The following EIF3B variants were observed in gnomAD, a reference collection of about 807,000 sequenced individuals.
The protein encoded by EIF3B is eukaryotic translation initiation factor 3 subunit 9.
A neutral mutation model predicts 104.6 loss-of-function variants in EIF3B; 10 were observed. That is an observed-to-expected ratio of 0.10 (90% CI 0.06 to 0.16). EIF3B has a LOEUF of 0.16. Ranked by LOEUF, EIF3B falls within the 10% of genes least tolerant of loss-of-function variation. The probability of loss-of-function intolerance (pLI) is 1.00; values close to 1 mark genes in which losing one functional copy is unlikely to be tolerated. For synonymous variants in EIF3B, 542 were observed against 417.2 expected (o/e 1.30, Z -3.65); for missense variants, 1,014 against 1,087.9 (o/e 0.93, Z 0.96).
At chr7:2,363,415 G>T (rs1029911665) in intron 4 of EIF3B, among the ~76,000 whole-genome samples, 1 of 151,602 alleles carries the variant, frequency 6.6e-6, no homozygotes, top group Non-Finnish European at 1.5e-5. Flanking sequence ...TGAGGCTGCC[G>T]TGAGCTATGA....
At chr7:2,359,442 C>G (rs1480669103) in intron 1 of EIF3B, among the ~76,000 whole-genome samples, 1 of 152,152 alleles carries the variant, frequency 6.6e-6, no homozygotes. Flanking sequence ...CCCAAAAGGA[C>G]CAGGTTCAGG....
rs988632949 is a variant in EIF3B at position 2,354,910 on chromosome 7, A to C, written c.-12A>C. ...CGGCCGCGGAGCCCTGCGAGTAGGC[A>C]GCGTTGGGCCCATGCAGGACGCGGA... On this transcript the variant is annotated 5_prime_UTR_variant, in exon 1 of 19. Coordinates refer to ENST00000360876, the MANE Select transcript of EIF3B (RefSeq NM_001037283.2). The C allele has an allele frequency of 1.7e-6, 2 of 1,188,456 alleles. No individual in the cohort carries two copies. The highest frequency in any genetic ancestry group is 2.1e-6 in the Non-Finnish European group (2 of 958,726). 73.6% of individuals were successfully genotyped at this position (1,188,456 alleles called of 1,614,324 possible).
Position 2,360,780 on chromosome 7 carries a change from C to T in EIF3B, c.570C>T (p.Asp190=), listed in dbSNP as rs372472481. 1.1e-5 allele frequency: 17 copies of T among 1,612,842 alleles called. No individual in the cohort carries two copies. Among genetic ancestry groups the T allele is most frequent in the Non-Finnish European group, 1.4e-5 (16 of 1,178,908 alleles). ...GAATCGATTCGGTGATTGTAGTGGA[C>T]AATGTCCCTCAGGTGGGACCCGACC... ...ADGIDSVIVV[D]NVPQVGPDRL... Residue 190 remains aspartate (D), a synonymous_variant, in exon 2 of 19, where the codon GAC becomes GAT. Transcript: ENST00000360876.
chr7:2,376,804 C>A, intron 14 of EIF3B, 146 bp from the exon 15 acceptor site: 1 of 1,235,546 alleles, frequency 8.1e-7, no homozygotes, highest in Non-Finnish European at 1.1e-6. Context: ...GACTGCCCAC[C>A]TACCCTGCTG....
chr7:2,359,061 GA>G (rs143811813), intron 1 of EIF3B, among the ~76,000 whole-genome samples: 54 of 148,396 alleles, frequency 3.6e-4, no homozygotes, highest in African/African-American at 1.3e-3. Context: ...TCTTTACAAA[GA>G]AAAAAAAAAG....
chr7:2,376,945 C>G lies in EIF3B; in HGVS notation c.2029-5C>G, dbSNP rs374365011. 1.9e-5 allele frequency: 30 copies of G among 1,613,028 alleles called. No homozygotes were observed. The highest frequency in any genetic ancestry group is 3.3e-4 in the Middle Eastern group (2 of 6,084). On this transcript the variant is annotated splice_polypyrimidine_tract_variant and splice_region_variant and intron_variant, in intron 14 of 18. Coordinates refer to ENST00000360876, the MANE Select transcript of EIF3B (RefSeq NM_001037283.2). ...GTGTCCTGGTGTGTCCCTGCCCTGG[C>G]CTAGGTGGACAACGCGTACTGGCTG...
At chr7:2,363,571 T>A in intron 4 of EIF3B, 61 bp from the exon 5 acceptor site, 1 of 1,477,322 alleles carries the variant, frequency 6.8e-7, no homozygotes, top group Non-Finnish European at 9.2e-7. Context: ...AGAGCAATAG[T>A]TGTGAATGAG....
intron 1 of EIF3B, among the ~76,000 whole-genome samples, chr7:2,359,866 G>A (rs1257192373): frequency 6.6e-6 from 1 of 152,204 alleles, no homozygotes; most frequent in Non-Finnish European, 1.5e-5. Flanking sequence ...CACGTCCGGT[G>A]TCAGGCGTTG....
At chr7:2,363,600 G>A in intron 4 of EIF3B, 32 bp from the exon 5 acceptor site, 1 of 1,567,436 alleles carries the variant, frequency 6.4e-7, no homozygotes, top group South Asian at 1.2e-5. Context: ...TAAAATTAAT[G>A]AAATGTTATA....
chr7:2,360,984 A>C, intron 2 of EIF3B, 82 bp downstream of exon 2: 1 of 1,206,538 alleles, frequency 8.3e-7, no homozygotes, highest in Non-Finnish European at 1.2e-6. Flanking sequence ...CCTTACTAAC[A>C]CAGCTCCTGC....
At chr7:2,356,501 G>A (rs917013942) in intron 1 of EIF3B, among the ~76,000 whole-genome samples, 2 of 151,756 alleles carry the variant, frequency 1.3e-5, no homozygotes, top group South Asian at 2.1e-4. Context: ...TACTCTGGAG[G>A]CTGAGGCAGG....
chr7:2,359,108 G>T (rs1385168222), intron 1 of EIF3B, among the ~76,000 whole-genome samples: 1 of 152,134 alleles, frequency 6.6e-6, no homozygotes, highest in Non-Finnish European at 1.5e-5. Context: ...CAGTCTCCTA[G>T]TTTAAGTGCC....
intron 4 of EIF3B, among the ~76,000 whole-genome samples, 173 bp downstream of exon 4, chr7:2,363,300 A>G (rs889513133): frequency 6.6e-6 from 1 of 151,966 alleles, no homozygotes; most frequent in African/African-American, 2.4e-5. Context: ...CAAAAAGTAA[A>G]TAAATACATA....
intron 2 of EIF3B, among the ~76,000 whole-genome samples, chr7:2,361,137 T>C (rs1779705643): frequency 1.3e-5 from 2 of 152,224 alleles, no homozygotes; most frequent in Admixed American, 1.3e-4. Flanking sequence ...TAGGCCAGCA[T>C]GGTGGCTTAT....
At position 2,364,529 on chromosome 7, in the gene EIF3B, G is replaced by C. The variant is rs1419872225; in HGVS notation, c.1157G>C (p.Arg386Thr). The C allele has an allele frequency of 1.9e-6, 3 of 1,610,832 alleles. No individual in the cohort carries two copies. Among genetic ancestry groups the C allele is most frequent in the Non-Finnish European group, 2.5e-6 (3 of 1,178,914 alleles). ...CTTATTGACTTCTCACCTTGTGAAAGGTAAGCTGCTAGAAAAACACAGGGG... is the reference window on the plus strand; with the variant it reads ...CTTATTGACTTCTCACCTTGTGAAACGTAAGCTGCTAGAAAAACACAGGGG... ...VQLIDFSPCE[R>T]YLVTFSPLMD... Residue 386 changes from arginine (R) to threonine (T), a missense_variant and splice_region_variant, in exon 6 of 19, where the codon AGG becomes ACG. Transcript: ENST00000360876.
intron 9 of EIF3B, 151 bp from the exon 10 acceptor site, chr7:2,369,321 C>T: frequency 1.2e-6 from 1 of 813,534 alleles, no homozygotes. Flanking sequence ...CGCGGCATGC[C>T]CAGAGCAGTG....
rs1779541864 is a variant in EIF3B at position 2,357,968 on chromosome 7, C to T, written c.499+2548C>T. Among the ~76,000 whole-genome samples the T allele has an allele frequency of 2.0e-5, 3 of 152,266 alleles. No individual in the cohort carries two copies. The South Asian group carries it at 6.2e-4, about 32-fold the overall frequency. ...GTTACCCTAGGATTTGACTAGTTTC[C>T]ATAGCAGGGTGTCCGGCACTGCAGT... is the stretch of plus-strand genomic sequence containing the variant. On this transcript the variant is annotated intron_variant, in intron 1 of 18. Transcript: ENST00000360876.
Position 2,380,618 on chromosome 7 carries a change from G to A in EIF3B, c.*429G>A. 2 of 337,698 alleles carry A rather than the reference G, an allele frequency of 5.9e-6. No individual in the cohort carries two copies. The highest frequency in any genetic ancestry group is 4.5e-5 in the South Asian group (2 of 44,908). 20.9% of individuals were successfully genotyped at this position (337,698 alleles called of 1,614,324 possible). A position where few individuals can be genotyped will look rare whatever the true frequency, so the allele number is the denominator to read the frequency against. ...TGAAGGACTTGCATCCCCATTGCGG[G>A]CAGTGCTGGACGTGTCCCGGAGACC... On this transcript the variant is annotated 3_prime_UTR_variant, in exon 19 of 19. Transcript: ENST00000360876.
chr7:2,363,378 G>C (rs1779843353), intron 4 of EIF3B, among the ~76,000 whole-genome samples: 1 of 97,476 alleles, frequency 1.0e-5, no homozygotes, highest in African/African-American at 3.0e-5. Context: ...AGGATCACTT[G>C]AGCCTGGGAG....
Sources: gnomAD v4.1 joint callset for allele counts (sites outside exome capture counted in the v4.1 genomes callset) on GRCh38, gnomAD v4.1.1 for gene constraint, MANE v1.5 for transcripts, NCBI Gene and HGNC (gene_info 2026-07-23, HGNC 2026-07-21) for gene names.